Variants in GRIK2 observed in about 807,000 individuals in gnomAD.
GRIK2 encodes glutamate receptor ionotropic, kainate 2.
Under a neutral mutation model 100.3 loss-of-function variants are expected in GRIK2, and 32 were observed. That is an observed-to-expected ratio of 0.32 (90% confidence interval 0.24 to 0.43). GRIK2 has a LOEUF of 0.43. Ranked by LOEUF, GRIK2 falls within the 20% of genes least tolerant of loss-of-function variation. GRIK2 has a pLI of 1.00. For synonymous variants in GRIK2, 417 were observed against 389.4 expected, an observed-to-expected ratio of 1.07 and a Z score of -0.83; for missense variants, 843 against 1,114.9, an observed-to-expected ratio of 0.76 and a Z score of 3.47.
intron 7 of GRIK2, among the ~76,000 whole-genome samples, chr6:101,724,078 G>C (rs1291402847): frequency 7.7e-6 from 1 of 129,250 alleles, no homozygotes; most frequent in African/African-American, 3.3e-5. Context: ...GGACATTTCT[G>C]GTTGTCATAG....
chr6:101,816,131 A>G (rs1235038862), intron 9 of GRIK2, among the ~76,000 whole-genome samples: 2 of 152,172 alleles, frequency 1.3e-5, no homozygotes, highest in Non-Finnish European at 2.9e-5. Flanking sequence ...AGAAAGTTGA[A>G]AACTTTCTAA....
At chr6:101,805,437 C>A (rs150748427) in intron 9 of GRIK2, among the ~76,000 whole-genome samples, 22 of 151,820 alleles carry the variant, frequency 1.4e-4, no homozygotes, top group African/African-American at 4.8e-4. Flanking sequence ...AAATTTTAAT[C>A]GTTAAAATTT....
At chr6:101,424,664 C>T (rs1481325342) in intron 2 of GRIK2, among the ~76,000 whole-genome samples, 5 of 151,368 alleles carry the variant, frequency 3.3e-5, no homozygotes, top group Non-Finnish European at 7.4e-5. Context: ...TGTGCTGCAC[C>T]CATTAACTCG....
At chr6:101,948,626 G>A (rs186043986) in intron 14 of GRIK2, among the ~76,000 whole-genome samples, 1 of 150,996 alleles carries the variant, frequency 6.6e-6, no homozygotes, top group Admixed American at 6.6e-5. Flanking sequence ...AGAATAAAAT[G>A]TTAAAAGGTT....
chr6:101,909,368 A>AG, intron 12 of GRIK2, among the ~76,000 whole-genome samples: 1 of 28,346 alleles, frequency 3.5e-5, no homozygotes, highest in Non-Finnish European at 6.7e-5. Flanking sequence ...GAAGGAAGAT[A>AG]GGGTTTTCTT....
chr6:101,641,155 C>T (rs1781261605), intron 4 of GRIK2, among the ~76,000 whole-genome samples: 1 of 151,958 alleles, frequency 6.6e-6, no homozygotes, highest in Non-Finnish European at 1.5e-5. Flanking sequence ...AGATTTAAAA[C>T]AATCTGATAT....
chr6:101,836,997 C>A (rs1582343949), intron 10 of GRIK2, among the ~76,000 whole-genome samples: 1 of 151,912 alleles, frequency 6.6e-6, no homozygotes, highest in Admixed American at 6.6e-5. Context: ...CAGCACTGGT[C>A]CAGAATCTTG....
chr6:101,586,019 A>T (rs1198783954), intron 2 of GRIK2, among the ~76,000 whole-genome samples: 5 of 152,098 alleles, frequency 3.3e-5, no homozygotes, highest in African/African-American at 1.2e-4. Context: ...GATTAAAGCC[A>T]ACTCATTCAC....
intron 14 of GRIK2, among the ~76,000 whole-genome samples, chr6:101,957,386 A>G (rs1320568482): frequency 6.6e-6 from 1 of 151,860 alleles, no homozygotes; most frequent in African/African-American, 2.4e-5. Context: ...AATTCTGGAT[A>G]TTAGCCCTAT....
chr6:102,003,142 T>C (rs1237393802), intron 14 of GRIK2, among the ~76,000 whole-genome samples: 1 of 151,738 alleles, frequency 6.6e-6, no homozygotes. Context: ...CTTAGTTGTA[T>C]TAGCTTTAAT....
At chr6:102,045,603 A>G (rs1205622124) in intron 15 of GRIK2, among the ~76,000 whole-genome samples, 2 of 152,064 alleles carry the variant, frequency 1.3e-5, no homozygotes. Context: ...GAGAAGAAAA[A>G]AAATGTACTA....
chr6:101,548,684 C>G (rs1456060885), intron 2 of GRIK2, among the ~76,000 whole-genome samples: 1 of 152,132 alleles, frequency 6.6e-6, no homozygotes, highest in Non-Finnish European at 1.5e-5. Context: ...TCATTGTCAT[C>G]ATCATCACTG....
At chr6:101,437,797 G>A (rs1281905836) in intron 2 of GRIK2, among the ~76,000 whole-genome samples, 2 of 152,170 alleles carry the variant, frequency 1.3e-5, no homozygotes, top group East Asian at 3.9e-4. Flanking sequence ...GTAACAAGTA[G>A]AATAAATGAC....
chr6:101,928,940 T>G (rs915126443), intron 14 of GRIK2, among the ~76,000 whole-genome samples: 3 of 152,174 alleles, frequency 2.0e-5, no homozygotes, highest in Non-Finnish European at 4.4e-5. Flanking sequence ...ATGTATTTTT[T>G]GAAACTGTAA....
chr6:101,533,773 G>A (rs1333509475), intron 2 of GRIK2, among the ~76,000 whole-genome samples: 6 of 151,872 alleles, frequency 4.0e-5, no homozygotes, highest in Non-Finnish European at 1.5e-5. Context: ...TTTACTATGC[G>A]ACAGCCATTG....
At chr6:101,985,272 T>C (rs1412758489) in intron 14 of GRIK2, among the ~76,000 whole-genome samples, 1 of 151,806 alleles carries the variant, frequency 6.6e-6, no homozygotes, top group Non-Finnish European at 1.5e-5. Context: ...CTAGGCTACA[T>C]GCTGTTACAT....
At chr6:101,593,038 A>G (rs1778749804) in intron 2 of GRIK2, among the ~76,000 whole-genome samples, 2 of 151,876 alleles carry the variant, frequency 1.3e-5, no homozygotes, top group African/African-American at 4.8e-5. Flanking sequence ...AGAAAAACTG[A>G]ACAGTTGGAG....
At chr6:101,538,566 A>G (rs760734956) in intron 2 of GRIK2, among the ~76,000 whole-genome samples, 2 of 151,630 alleles carry the variant, frequency 1.3e-5, no homozygotes, top group African/African-American at 2.4e-5. Flanking sequence ...TATCAATGAT[A>G]ATATTTTGTG....
At chr6:101,931,176 T>C (rs1370413054) in intron 14 of GRIK2, among the ~76,000 whole-genome samples, 3 of 152,110 alleles carry the variant, frequency 2.0e-5, no homozygotes, top group Non-Finnish European at 4.4e-5. Flanking sequence ...TTATTCCAGC[T>C]ATGGTAAGAA....
Sources: gnomAD v4.1 joint callset for allele counts (sites outside exome capture counted in the v4.1 genomes callset) on GRCh38, gnomAD v4.1.1 for gene constraint, MANE v1.5 for transcripts, NCBI Gene and HGNC (gene_info 2026-07-23, HGNC 2026-07-21) for gene names.